Variants in AKAP19 observed in about 807,000 individuals in gnomAD.
AKAP19 encodes the protein small A-kinase anchoring protein.
chr2:190,200,258 G>T, the AKAP19 span: 1 of 864,554 alleles, frequency 1.2e-6, no homozygotes, highest in South Asian at 1.6e-5. Context: ...TTAAAAATGT[G>T]TCTACGATAA....
the AKAP19 span, among the ~76,000 whole-genome samples, chr2:189,977,115 G>A: frequency 6.6e-6 from 1 of 152,140 alleles, no homozygotes; most frequent in Non-Finnish European, 1.5e-5. Context: ...GGCCATCTTG[G>A]AACTGCCCCC....
chr2:190,003,173 C>G, the AKAP19 span, among the ~76,000 whole-genome samples: 2 of 151,940 alleles, frequency 1.3e-5, no homozygotes, highest in Non-Finnish European at 2.9e-5. Context: ...TTCATACTGA[C>G]CTCTTTTTAG....
chr2:190,158,218 C>T, the AKAP19 span, among the ~76,000 whole-genome samples: 2 of 152,184 alleles, frequency 1.3e-5, no homozygotes, highest in African/African-American at 4.8e-5. Flanking sequence ...ACTCGGGGAG[C>T]TCGGATTTTA....
chr2:189,930,710 C>A, the AKAP19 span: 1 of 552,180 alleles, frequency 1.8e-6, no homozygotes, highest in East Asian at 3.3e-5. Flanking sequence ...ATTGGGTCCC[C>A]ATAAACAAAG....
the AKAP19 span, among the ~76,000 whole-genome samples, chr2:189,965,762 G>A: frequency 5.9e-5 from 9 of 152,284 alleles, no homozygotes; most frequent in Non-Finnish European, 1.2e-4. Context: ...AGAACTAAAA[G>A]TAGAACTATA....
At chr2:190,045,789 C>T in the AKAP19 span, among the ~76,000 whole-genome samples, 3 of 152,142 alleles carry the variant, frequency 2.0e-5, no homozygotes, top group Non-Finnish European at 4.4e-5. Flanking sequence ...GTAGTATGTA[C>T]GGGGGTCTAA....
At chr2:190,119,974 G>A in the AKAP19 span, among the ~76,000 whole-genome samples, 1 of 152,170 alleles carries the variant, frequency 6.6e-6, no homozygotes, top group Non-Finnish European at 1.5e-5. Flanking sequence ...CTTTGTAAAG[G>A]CAGACTTATC....
the AKAP19 span, among the ~76,000 whole-genome samples, chr2:190,017,434 T>C: frequency 6.6e-6 from 1 of 152,174 alleles, no homozygotes; most frequent in Non-Finnish European, 1.5e-5. Flanking sequence ...GTATCTGCTA[T>C]AGAGTATTGC....
the AKAP19 span, among the ~76,000 whole-genome samples, chr2:190,185,865 A>G: frequency 6.6e-6 from 1 of 152,222 alleles, no homozygotes; most frequent in Non-Finnish European, 1.5e-5. Flanking sequence ...TAGCTTTAGG[A>G]GACAATCTGG....
chr2:189,996,729 G>T, the AKAP19 span, among the ~76,000 whole-genome samples: 1 of 152,104 alleles, frequency 6.6e-6, no homozygotes, highest in African/African-American at 2.4e-5. Context: ...GACTATTTTA[G>T]TGGAAAAATG....
the AKAP19 span, among the ~76,000 whole-genome samples, chr2:190,160,343 T>G: frequency 0.31 from 47,079 of 152,070 alleles, 7,950 homozygotes; most frequent in African/African-American, 0.44. Flanking sequence ...ATAAGATTTT[T>G]TTTTTAACCA....
At chr2:190,079,599 T>A in the AKAP19 span, 2 of 152,154 alleles carry the variant, frequency 1.3e-5, no homozygotes, top group Non-Finnish European at 2.9e-5. Context: ...TCACCTGAAG[T>A]CAAGAGTTTG....
chr2:190,168,422 C>T, the AKAP19 span, among the ~76,000 whole-genome samples: 18 of 152,154 alleles, frequency 1.2e-4, no homozygotes, highest in South Asian at 2.1e-4. Flanking sequence ...ACCCCCCCAC[C>T]GCCCTCCCCA....
the AKAP19 span, among the ~76,000 whole-genome samples, chr2:189,954,316 T>C: frequency 6.6e-6 from 1 of 152,234 alleles, no homozygotes; most frequent in South Asian, 2.1e-4. Flanking sequence ...GTACACACAC[T>C]GTTTACTTAA....
the AKAP19 span, among the ~76,000 whole-genome samples, chr2:189,918,632 A>G: frequency 6.6e-6 from 1 of 152,334 alleles, no homozygotes; most frequent in Admixed American, 6.5e-5. Context: ...TAATTACCAT[A>G]TAACCCAACA....
the AKAP19 span, among the ~76,000 whole-genome samples, chr2:190,047,805 C>T: frequency 6.6e-6 from 1 of 152,114 alleles, no homozygotes; most frequent in African/African-American, 2.4e-5. Context: ...GACTAGTCAA[C>T]TAATGTAATG....
chr2:189,886,579 A>G, the AKAP19 span, among the ~76,000 whole-genome samples: 2 of 152,180 alleles, frequency 1.3e-5, no homozygotes, highest in African/African-American at 2.4e-5. Flanking sequence ...TAATAAACCA[A>G]TGTTAAGTCG....
At chr2:189,943,527 G>C in the AKAP19 span, among the ~76,000 whole-genome samples, 1 of 152,224 alleles carries the variant, frequency 6.6e-6, no homozygotes, top group East Asian at 1.9e-4. Flanking sequence ...AAGGGGAAAT[G>C]TGGGGTTGGA....
chr2:190,154,368 A>G, the AKAP19 span, among the ~76,000 whole-genome samples: 3 of 152,142 alleles, frequency 2.0e-5, no homozygotes, highest in African/African-American at 7.2e-5. Flanking sequence ...AAAGTGAATT[A>G]ATCTGTCTTA....
Sources: allele counts gnomAD v4.1 joint callset (sites outside exome capture counted in the v4.1 genomes callset), GRCh38; gene constraint gnomAD v4.1.1; transcripts MANE v1.5; gene names NCBI Gene and HGNC (gene_info 2026-07-23, HGNC 2026-07-21).